TLL1: variants seen among roughly 807,000 people sequenced by gnomAD.
TLL1 encodes tolloid-like protein 1.
Under a neutral mutation model 128.2 loss-of-function variants are expected in TLL1, and 49 were observed. The observed-to-expected ratio is 0.38, with a 90% CI of 0.30 to 0.48. The LOEUF (loss-of-function observed/expected upper bound fraction) is 0.48, where lower values mean the gene tolerates loss of function less well. Among genes scored for constraint, TLL1 ranks in the 20% least tolerant of loss-of-function variants. The probability of loss-of-function intolerance (pLI) is 0.96; values close to 1 mark genes in which losing one functional copy is unlikely to be tolerated. For missense variants in TLL1, 1,123 were observed against 1,242.0 expected, an observed-to-expected ratio of 0.90 and a Z score of 1.44; for synonymous variants, 454 against 418.8, an observed-to-expected ratio of 1.08 and a Z score of -1.03.
In TLL1 at chr4:165,890,939, A is replaced by G. The variant is rs554811749; in HGVS notation, c.169+16866A>G. ...CCCTGCAGCACACCTCTGCCTGGAC[A>G]TCCAGGCACTTCCATACATCTCTGA... On this transcript the variant is annotated intron_variant, in intron 1 of 20. Transcript: ENST00000061240. Among the ~76,000 whole-genome samples, 18 of 152,300 alleles carry G rather than the reference A, an allele frequency of 1.2e-4. 1 individual carries two copies. The South Asian group carries it at 3.7e-3, about 32-fold the overall frequency.
At chr4:165,967,722 A>T (rs1288477964) in intron 1 of TLL1, among the ~76,000 whole-genome samples, 1 of 152,194 alleles carries the variant, frequency 6.6e-6, no homozygotes, top group Non-Finnish European at 1.5e-5. Context: ...GCTGACAGGA[A>T]CATTAGAAGG....
rs781254168 is a variant in TLL1 at position 165,992,801 on chromosome 4, A to C, written c.281-3A>C. ...TTTAACTTGTTTCCTTTTATTCTTTAAGGTGGACTTGGAGACCATGCTATG... is the reference window on the plus strand; with the variant it reads ...TTTAACTTGTTTCCTTTTATTCTTTCAGGTGGACTTGGAGACCATGCTATG... On this transcript the variant is annotated splice_region_variant and splice_polypyrimidine_tract_variant and intron_variant, in intron 2 of 20. Coordinates refer to ENST00000061240, the MANE Select transcript of TLL1 (RefSeq NM_012464.5). The C allele has an allele frequency of 6.2e-7, 1 of 1,612,826 alleles. No individual in the cohort carries two copies. Among genetic ancestry groups the C allele is most frequent in the South Asian group, 1.1e-5 (1 of 91,068 alleles).
intron 1 of TLL1, among the ~76,000 whole-genome samples, chr4:165,981,628 T>C (rs542408535): frequency 6.6e-6 from 1 of 152,058 alleles, no homozygotes; most frequent in Non-Finnish European, 1.5e-5. Context: ...TACTTAGTAT[T>C]CATGTGTATA....
chr4:165,978,754 C>G, intron 1 of TLL1, among the ~76,000 whole-genome samples: 1 of 152,110 alleles, frequency 6.6e-6, no homozygotes, highest in East Asian at 1.9e-4. Context: ...AAACTCTCTC[C>G]CAATTTTAGC....
At chr4:166,033,055 T>C (rs1458314275) in intron 9 of TLL1, among the ~76,000 whole-genome samples, 2 of 152,148 alleles carry the variant, frequency 1.3e-5, no homozygotes, top group South Asian at 2.1e-4. Flanking sequence ...ATTTCACCTG[T>C]AATATTGGTA....
intron 1 of TLL1, among the ~76,000 whole-genome samples, chr4:165,923,964 T>C (rs906451639): frequency 6.6e-6 from 1 of 152,178 alleles, no homozygotes; most frequent in African/African-American, 2.4e-5. Flanking sequence ...GATGCTATTC[T>C]TGGAATTGTT....
intron 1 of TLL1, among the ~76,000 whole-genome samples, chr4:165,930,872 G>A (rs1733482964): frequency 1.3e-5 from 2 of 152,138 alleles, no homozygotes; most frequent in East Asian, 3.9e-4. Context: ...AAAAACATAT[G>A]CATATATGTA....
intron 1 of TLL1, among the ~76,000 whole-genome samples, chr4:165,939,506 A>AT (rs1360237460): frequency 6.6e-6 from 1 of 151,888 alleles, no homozygotes; most frequent in Non-Finnish European, 1.5e-5. Flanking sequence ...GCATACAGAC[A>AT]TTTTTTTCAA....
intron 10 of TLL1, among the ~76,000 whole-genome samples, chr4:166,041,119 T>C (rs1322390653): frequency 6.6e-6 from 1 of 152,192 alleles, no homozygotes; most frequent in Admixed American, 6.5e-5. Context: ...AGTCTTCTGA[T>C]AGTATTTGTT....
chr4:165,905,880 C>T (rs1285631201), intron 1 of TLL1, among the ~76,000 whole-genome samples: 1 of 152,082 alleles, frequency 6.6e-6, no homozygotes, highest in Admixed American at 6.6e-5. Context: ...ATTTCCCAGT[C>T]CCTCACCGTG....
At chr4:165,895,254 T>C in intron 1 of TLL1, among the ~76,000 whole-genome samples, 1 of 152,108 alleles carries the variant, frequency 6.6e-6, no homozygotes, top group East Asian at 1.9e-4. Flanking sequence ...GGAAATCCAA[T>C]GGAATTCCTA....
intron 1 of TLL1, among the ~76,000 whole-genome samples, chr4:165,916,078 T>C (rs1732764042): frequency 6.6e-6 from 1 of 152,182 alleles, no homozygotes. Context: ...TTAATTACTT[T>C]CGTCTGTGGA....
At chr4:165,981,405 C>T (rs958542227) in intron 1 of TLL1, among the ~76,000 whole-genome samples, 7 of 152,018 alleles carry the variant, frequency 4.6e-5, no homozygotes, top group Admixed American at 6.6e-5. Context: ...AAAGTTCTAT[C>T]TTGAGTCCAA....
chr4:165,936,132 T>A (rs566879936), intron 1 of TLL1, among the ~76,000 whole-genome samples: 1 of 150,950 alleles, frequency 6.6e-6, no homozygotes, highest in East Asian at 1.9e-4. Context: ...TATATAATTT[T>A]AAATATTTGA....
chr4:165,937,580 A>AT (rs1449752634), intron 1 of TLL1, among the ~76,000 whole-genome samples: 2 of 151,966 alleles, frequency 1.3e-5, no homozygotes, highest in Admixed American at 1.3e-4. Context: ...TCTGCAAGTG[A>AT]TTTTTTTATT....
At chr4:165,960,386 G>A (rs1242397382) in intron 1 of TLL1, among the ~76,000 whole-genome samples, 5 of 152,168 alleles carry the variant, frequency 3.3e-5, no homozygotes, top group South Asian at 2.1e-4. Context: ...TCTACCAGAT[G>A]TACAAATAAC....
At chr4:165,898,882 A>G (rs1034356538) in intron 1 of TLL1, among the ~76,000 whole-genome samples, 1 of 152,154 alleles carries the variant, frequency 6.6e-6, no homozygotes, top group African/African-American at 2.4e-5. Context: ...TTGGCAGCCT[A>G]TTAATTACTG....
At chr4:166,067,482 C>T (rs937682805) in intron 16 of TLL1, among the ~76,000 whole-genome samples, 1 of 151,600 alleles carries the variant, frequency 6.6e-6, no homozygotes, top group Non-Finnish European at 1.5e-5. Context: ...TGCTGTTCTC[C>T]ACCACATGAG....
chr4:165,955,094 G>A (rs1306867313), intron 1 of TLL1, among the ~76,000 whole-genome samples: 1 of 152,086 alleles, frequency 6.6e-6, no homozygotes, highest in African/African-American at 2.4e-5. Flanking sequence ...TTGAACTCTG[G>A]TATTGAAAAT....
Sources: gnomAD v4.1 joint callset for allele counts (sites outside exome capture counted in the v4.1 genomes callset) on GRCh38, gnomAD v4.1.1 for gene constraint, MANE v1.5 for transcripts, NCBI Gene and HGNC (gene_info 2026-07-23, HGNC 2026-07-21) for gene names.